The following PDE4D variants were observed in gnomAD, a reference collection of about 807,000 sequenced individuals.
PDE4D encodes phosphodiesterase 4D.
Under a neutral mutation model 87.4 loss-of-function variants are expected in PDE4D, and 24 were observed. The ratio of observed to expected loss-of-function variants is 0.27; its 90% CI spans 0.20 to 0.39. The LOEUF is 0.39. PDE4D is among the 10% of genes least tolerant of loss of function. The probability of loss-of-function intolerance (pLI) is 1.00; values close to 1 mark genes in which losing one functional copy is unlikely to be tolerated. For synonymous variants in PDE4D, 384 were observed against 383.2 expected (o/e 1.00, Z -0.02); for missense variants, 714 against 1,041.0 (o/e 0.69, Z 4.32).
Position 60,336,557 on chromosome 5 carries a change from T to C in PDE4D, c.-89-150870A>G, listed in dbSNP as rs142440572. On this transcript the variant is annotated intron_variant, in intron 1 of 16. Transcript: ENST00000502484. ...AAGCTGCCCAGATAGAACTGGTTTA[T>C]AAACTGGAAAGCCAAGAACTTCAGT... is the stretch of plus-strand genomic sequence containing the variant. Among the ~76,000 whole-genome samples the C allele has an allele frequency of 8.1e-4, 124 of 152,354 alleles. 1 individual carries two copies. Among genetic ancestry groups the C allele is most frequent in the African/African-American group, 2.9e-3 (120 of 41,582 alleles).
At chr5:60,094,081 T>C (rs1775420477) in intron 2 of PDE4D, among the ~76,000 whole-genome samples, 1 of 152,170 alleles carries the variant, frequency 6.6e-6, no homozygotes, top group Non-Finnish European at 1.5e-5. Flanking sequence ...TGACCATGCA[T>C]ATATCACTAA....
In PDE4D at chr5:59,074,523, C is replaced by T. The variant is rs185455857; in HGVS notation, c.809-35552G>A. Among the ~76,000 whole-genome samples, 719 of 152,180 alleles carry T rather than the reference C, an allele frequency of 4.7e-3. 7 individuals are homozygous for T. Among genetic ancestry groups the T allele is most frequent in the Non-Finnish European group, 7.7e-3 (526 of 67,986 alleles). ...CTGTAATCCTAGCACTTTGGGAGGC[C>T]GAGGCAGGCAGATTGCTTGAGGCCA... On this transcript the variant is annotated intron_variant, in intron 5 of 14. Coordinates refer to ENST00000340635, the MANE Select transcript of PDE4D (RefSeq NM_001104631.2).
At chr5:59,979,794 C>T (rs1291954806) in intron 3 of PDE4D, among the ~76,000 whole-genome samples, 1 of 152,000 alleles carries the variant, frequency 6.6e-6, no homozygotes, top group Non-Finnish European at 1.5e-5. Flanking sequence ...TATGGAAATT[C>T]TAAGTTCTAG....
chr5:59,543,880 G>A (rs1171085613), intron 1 of PDE4D, among the ~76,000 whole-genome samples: 1 of 152,084 alleles, frequency 6.6e-6, no homozygotes. Flanking sequence ...CAATGAAGGT[G>A]GAAAAAACAA....
chr5:59,587,543 G>A (rs1377322122), intron 1 of PDE4D: 7 of 985,234 alleles, frequency 7.1e-6, no homozygotes, highest in African/African-American at 1.7e-5. Flanking sequence ...CCTCGCAGCC[G>A]CCTTGTCTGC....
chr5:59,760,016 G>T (rs977848595), intron 1 of PDE4D, among the ~76,000 whole-genome samples: 1 of 152,162 alleles, frequency 6.6e-6, no homozygotes, highest in Non-Finnish European at 1.5e-5. Context: ...CTACTCAGTT[G>T]TTTGTGTGTG....
intron 5 of PDE4D, among the ~76,000 whole-genome samples, chr5:59,126,107 AAG>A (rs755881387): frequency 1.0e-4 from 15 of 148,166 alleles, no homozygotes; most frequent in South Asian, 6.4e-4. Flanking sequence ...AAAAAAAAAA[AAG>A]AGAGAGAGAG....
At chr5:59,390,410 T>C (rs993627240) in intron 1 of PDE4D, among the ~76,000 whole-genome samples, 1 of 152,142 alleles carries the variant, frequency 6.6e-6, no homozygotes, top group Non-Finnish European at 1.5e-5. Context: ...ACAAAGTATA[T>C]GTTAATGTTT....
At chr5:60,487,053 G>T (rs1307333390) in intron 1 of PDE4D, among the ~76,000 whole-genome samples, 1 of 152,190 alleles carries the variant, frequency 6.6e-6, no homozygotes, top group Non-Finnish European at 1.5e-5. Context: ...ACATTTACCA[G>T]TCTATACTCA....
At chr5:60,493,423 C>T (rs974799573) in intron 1 of PDE4D, among the ~76,000 whole-genome samples, 1 of 152,112 alleles carries the variant, frequency 6.6e-6, no homozygotes, top group East Asian at 1.9e-4. Flanking sequence ...TATGTTGAAG[C>T]GAATTATATT....
chr5:60,421,254 A>G (rs775431390), intron 1 of PDE4D, among the ~76,000 whole-genome samples: 13 of 152,200 alleles, frequency 8.5e-5, no homozygotes, highest in Non-Finnish European at 1.8e-4. Flanking sequence ...TGACCCCCAC[A>G]TAGCTTAACT....
At chr5:59,975,256 C>T (rs73761078) in intron 3 of PDE4D, among the ~76,000 whole-genome samples, 6,431 of 152,200 alleles carry the variant, frequency 0.042, 430 homozygotes, top group African/African-American at 0.15. Flanking sequence ...GGAGGCATCA[C>T]CTCATGCCCC....
At chr5:59,807,499 TC>T (rs1179819123) in intron 1 of PDE4D, among the ~76,000 whole-genome samples, 1 of 152,052 alleles carries the variant, frequency 6.6e-6, no homozygotes, top group Non-Finnish European at 1.5e-5. Context: ...GGCTGGCTTG[TC>T]CCCACACACA....
intron 3 of PDE4D, among the ~76,000 whole-genome samples, chr5:59,975,775 T>C (rs1285341589): frequency 6.6e-6 from 1 of 152,212 alleles, no homozygotes; most frequent in Admixed American, 6.5e-5. Context: ...TTTTAGCAGT[T>C]TTTATTTAGC....
chr5:60,386,645 C>T (rs1016898976), intron 1 of PDE4D, among the ~76,000 whole-genome samples: 5 of 152,202 alleles, frequency 3.3e-5, no homozygotes, highest in Non-Finnish European at 5.9e-5. Context: ...TGAACTTTCA[C>T]TGGATCCATC....
chr5:59,699,350 GA>G (rs1346236977), intron 1 of PDE4D, among the ~76,000 whole-genome samples: 1 of 151,980 alleles, frequency 6.6e-6, no homozygotes, highest in African/African-American at 2.4e-5. Flanking sequence ...ACAATTAAAA[GA>G]AAAATAATAA....
At chr5:59,592,046 C>T (rs1316851714) in intron 1 of PDE4D, 20 of 579,230 alleles carry the variant, frequency 3.5e-5, no homozygotes, top group Non-Finnish European at 3.9e-5. Flanking sequence ...GTGAGTGTGC[C>T]ATCAGAATGA....
intron 1 of PDE4D, among the ~76,000 whole-genome samples, chr5:60,257,228 GAA>G (rs1749162755): frequency 3.0e-5 from 1 of 33,004 alleles, no homozygotes; most frequent in South Asian, 6.8e-4. Flanking sequence ...GAAAGAGAAA[GAA>G]AGAAAGAAAG....
intron 1 of PDE4D, among the ~76,000 whole-genome samples, chr5:59,724,478 G>A (rs1020951464): frequency 5.9e-5 from 9 of 152,006 alleles, no homozygotes; most frequent in Admixed American, 5.9e-4. Flanking sequence ...CATAGCACAT[G>A]ATAGGTAGTT....
Sources: allele counts gnomAD v4.1 joint callset (sites outside exome capture counted in the v4.1 genomes callset), GRCh38; gene constraint gnomAD v4.1.1; transcripts MANE v1.5; gene names NCBI Gene and HGNC (gene_info 2026-07-23, HGNC 2026-07-21).